PCDHA3: variants seen among roughly 807,000 people sequenced by gnomAD.
PCDHA3 encodes protocadherin alpha-3.
PCDHA3 carries 41 observed loss-of-function variants against 62.2 expected under a neutral mutation model. The ratio of observed to expected loss-of-function variants is 0.66; its 90% CI spans 0.51 to 0.86. PCDHA3 has a LOEUF of 0.86. PCDHA3 is among the 40% of genes least tolerant of loss of function. The probability of loss-of-function intolerance (pLI) is 0.00; values close to 1 mark genes in which losing one functional copy is unlikely to be tolerated. For missense variants in PCDHA3, 1,304 were observed against 1,241.2 expected (o/e 1.05, Z -0.76); for synonymous variants, 640 against 555.4 (o/e 1.15, Z -2.14).
intron 3 of PCDHA3, among the ~76,000 whole-genome samples, chr5:140,993,460 T>TCACACACACA (rs1554253699): frequency 5.7e-5 from 6 of 104,506 alleles, no homozygotes; most frequent in African/African-American, 7.8e-5. Flanking sequence ...CTTCTTTCTT[T>TCACACACACA]CTCACACACA....
chr5:140,826,677 TA>T (rs1447627266), intron 1 of PCDHA3, among the ~76,000 whole-genome samples: 1 of 152,092 alleles, frequency 6.6e-6, no homozygotes, highest in Non-Finnish European at 1.5e-5. Context: ...TAGACGTAAT[TA>T]AAAAAACCCA....
intron 1 of PCDHA3, among the ~76,000 whole-genome samples, chr5:140,923,753 TG>T (rs1217230498): frequency 6.6e-6 from 1 of 152,174 alleles, no homozygotes; most frequent in Non-Finnish European, 1.5e-5. Context: ...AGGCATATGG[TG>T]GGACAAATCC....
intron 1 of PCDHA3, chr5:140,821,877 C>T (rs2150111547): frequency 1.1e-5 from 18 of 1,614,240 alleles, no homozygotes; most frequent in Non-Finnish European, 1.4e-5. Flanking sequence ...ACTACTCGAT[C>T]CCGGAGGAAG....
intron 1 of PCDHA3, among the ~76,000 whole-genome samples, chr5:140,888,049 T>C (rs554327528): frequency 1.3e-5 from 2 of 152,354 alleles, no homozygotes; most frequent in South Asian, 2.1e-4. Context: ...GTATAATAGA[T>C]GTTTTAACTT....
intron 2 of PCDHA3, among the ~76,000 whole-genome samples, chr5:140,982,032 C>G (rs1554243678): frequency 1.3e-5 from 2 of 152,162 alleles, no homozygotes; most frequent in Non-Finnish European, 2.9e-5. Flanking sequence ...GAACAATACT[C>G]CAATTATCAG....
intron 1 of PCDHA3, chr5:140,870,575 A>G (rs2052179546): frequency 6.2e-7 from 1 of 1,613,690 alleles, no homozygotes; most frequent in Admixed American, 1.7e-5. Flanking sequence ...CTGGTGTCCT[A>G]CTCGCTGGTG....
intron 1 of PCDHA3, chr5:140,877,927 A>G: frequency 7.1e-7 from 1 of 1,416,192 alleles, no homozygotes; most frequent in South Asian, 1.6e-5. Flanking sequence ...TTTCTTTATG[A>G]TTCTATCCTT....
intron 1 of PCDHA3, among the ~76,000 whole-genome samples, chr5:140,964,670 G>A (rs2095847592): frequency 6.6e-6 from 1 of 151,912 alleles, no homozygotes; most frequent in Non-Finnish European, 1.5e-5. Context: ...CACAGGCCAG[G>A]TCCACAATTT....
At chr5:140,882,648 A>C in intron 1 of PCDHA3, 1 of 1,614,216 alleles carries the variant, frequency 6.2e-7, no homozygotes, top group Non-Finnish European at 8.5e-7. Context: ...AGGGACATTA[A>C]CGACAACCCG....
chr5:140,832,345 G>A (rs2150201218), intron 1 of PCDHA3, among the ~76,000 whole-genome samples: 8 of 152,168 alleles, frequency 5.3e-5, no homozygotes, highest in Non-Finnish European at 1.2e-4. Context: ...GTTGTGGTTT[G>A]TGTTTCCTAA....
intron 1 of PCDHA3, chr5:140,875,979 C>G: frequency 3.7e-6 from 6 of 1,613,984 alleles, no homozygotes; most frequent in Non-Finnish European, 5.1e-6. Flanking sequence ...CTCTTTTGAC[C>G]TATGCGTTAA....
rs1554162252 is a variant in PCDHA3 at position 140,868,854 on chromosome 5, T to A, written c.2394+65263T>A. ...ACCCAAAACACGTGAAATTCTGTGG[T>A]GGTAAATGCAGTGCACAGTACTCAC... On this transcript the variant is annotated intron_variant, in intron 1 of 3. Coordinates refer to ENST00000522353, the MANE Select transcript of PCDHA3 (RefSeq NM_018906.3). 8.6e-6 allele frequency: 4 copies of A among 465,988 alleles called. 1 individual carries two copies. The highest frequency in any genetic ancestry group is 1.4e-5 in the Non-Finnish European group (4 of 277,116). The allele number at this position is 465,988 out of a possible 1,614,324, so 28.9% of individuals were successfully genotyped here. A position where few individuals can be genotyped will look rare whatever the true frequency, so the allele number is the denominator to read the frequency against.
chr5:140,833,681 C>T (rs1401831126), intron 1 of PCDHA3, among the ~76,000 whole-genome samples: 1 of 152,082 alleles, frequency 6.6e-6, no homozygotes, highest in African/African-American at 2.4e-5. Flanking sequence ...TTCCCCAAAC[C>T]TTCTCTTATT....
At chr5:140,826,012 A>G (rs1554130428) in intron 1 of PCDHA3, among the ~76,000 whole-genome samples, 3 of 152,212 alleles carry the variant, frequency 2.0e-5, no homozygotes, top group Non-Finnish European at 4.4e-5. Context: ...CACACTTTAC[A>G]TGATAAAATG....
chr5:140,907,883 G>GTGAA (rs2073669227), intron 1 of PCDHA3, among the ~76,000 whole-genome samples: 1 of 152,110 alleles, frequency 6.6e-6, no homozygotes, highest in Non-Finnish European at 1.5e-5. Flanking sequence ...CACTCACATG[G>GTGAA]GATACAAATA....
chr5:140,889,868 G>A (rs905154258), intron 1 of PCDHA3, among the ~76,000 whole-genome samples: 2 of 152,136 alleles, frequency 1.3e-5, no homozygotes, highest in African/African-American at 4.8e-5. Context: ...TTTGGGGGAA[G>A]CCTGCCACCA....
At chr5:140,830,437 G>A (rs2150186472) in intron 1 of PCDHA3, 2 of 1,612,984 alleles carry the variant, frequency 1.2e-6, no homozygotes, top group South Asian at 1.1e-5. Context: ...GTCCTATTAT[G>A]ATGGGTAAGG....
intron 1 of PCDHA3, among the ~76,000 whole-genome samples, chr5:140,895,125 G>T (rs1165797883): frequency 2.0e-5 from 3 of 152,068 alleles, no homozygotes; most frequent in African/African-American, 7.2e-5. Flanking sequence ...TTTGTTAGTT[G>T]ACAAGTTCAT....
chr5:140,998,547 A>C (rs1173862918), intron 3 of PCDHA3, among the ~76,000 whole-genome samples: 4 of 150,288 alleles, frequency 2.7e-5, no homozygotes, highest in African/African-American at 9.8e-5. Flanking sequence ...TCCTAATTTA[A>C]TGTCTAATTT....
Sources: allele counts gnomAD v4.1 joint callset (sites outside exome capture counted in the v4.1 genomes callset), GRCh38; gene constraint gnomAD v4.1.1; transcripts MANE v1.5; gene names NCBI Gene and HGNC (gene_info 2026-07-23, HGNC 2026-07-21).